The following CAPN13 variants were observed in gnomAD, a reference collection of about 807,000 sequenced individuals.
CAPN13 encodes the protein calpain 13.
A neutral mutation model predicts 98.4 loss-of-function variants in CAPN13; 90 were observed. That is an observed-to-expected ratio of 0.92 (90% CI 0.77 to 1.09). CAPN13 has a LOEUF of 1.09. CAPN13 is among the 50% of genes least tolerant of loss of function. CAPN13 has a pLI of 0.00. For synonymous variants in CAPN13, 330 were observed against 305.5 expected (o/e 1.08, Z -0.84); for missense variants, 887 against 841.3 (o/e 1.05, Z -0.67).
chr2:30,740,522 G>T (rs1370333155), intron 15 of CAPN13, among the ~76,000 whole-genome samples: 6 of 152,226 alleles, frequency 3.9e-5, no homozygotes, highest in Admixed American at 3.9e-4. Flanking sequence ...CAGTTTGTAG[G>T]ATTACAGAAT....
At chr2:30,799,071 G>A (rs924140771) in intron 1 of CAPN13, among the ~76,000 whole-genome samples, 1 of 152,066 alleles carries the variant, frequency 6.6e-6, no homozygotes, top group African/African-American at 2.4e-5. Flanking sequence ...ATACCTCAGG[G>A]CTTTGAGGAG....
chr2:30,741,432 A>G (rs773084124), intron 15 of CAPN13: 21 of 992,344 alleles, frequency 2.1e-5, no homozygotes, highest in Non-Finnish European at 2.5e-5. Flanking sequence ...CTGACAAGTC[A>G]AGGAGTTCTT....
At chr2:30,770,276 G>A (rs753963112) in intron 5 of CAPN13, 37 bp downstream of exon 5, 4 of 1,606,990 alleles carry the variant, frequency 2.5e-6, no homozygotes, top group Admixed American at 1.7e-5. Context: ...GACCAGCACT[G>A]AAACTCTGGG....
intron 19 of CAPN13, 45 bp downstream of exon 19, chr2:30,734,404 C>A (rs373682651): frequency 6.7e-7 from 1 of 1,496,530 alleles, no homozygotes; most frequent in African/African-American, 1.4e-5. Context: ...GCATCACCCC[C>A]CTCCCCGGAC....
chr2:30,802,183 G>A (rs1027166503), intron 1 of CAPN13, among the ~76,000 whole-genome samples: 3 of 151,990 alleles, frequency 2.0e-5, no homozygotes, highest in African/African-American at 7.2e-5. Flanking sequence ...CGGGGGTTTG[G>A]AGACAAATCC....
intron 7 of CAPN13, among the ~76,000 whole-genome samples, chr2:30,758,799 C>T (rs1672613812): frequency 1.1e-5 from 1 of 92,072 alleles, no homozygotes; most frequent in Non-Finnish European, 2.1e-5. Flanking sequence ...TCCTTTCCTT[C>T]CTCCCTCCCT....
chr2:30,760,752 G>A (rs1365309050), intron 7 of CAPN13, among the ~76,000 whole-genome samples: 8 of 152,184 alleles, frequency 5.3e-5, no homozygotes, highest in Non-Finnish European at 2.9e-5. Context: ...CTTTATGACA[G>A]TGACCTATTG....
intron 5 of CAPN13, among the ~76,000 whole-genome samples, chr2:30,768,183 C>G (rs1386671677): frequency 6.6e-6 from 1 of 152,224 alleles, no homozygotes; most frequent in Non-Finnish European, 1.5e-5. Flanking sequence ...TTTGTAGCCA[C>G]TTGACCCAGG....
At chr2:30,773,503 TA>T (rs1484886064) in intron 4 of CAPN13, among the ~76,000 whole-genome samples, 3 of 152,126 alleles carry the variant, frequency 2.0e-5, no homozygotes, top group Non-Finnish European at 2.9e-5. Flanking sequence ...AAATTAATAA[TA>T]AAGAGATGAA....
At chr2:30,724,285 C>A (rs569533810) in intron 22 of CAPN13, among the ~76,000 whole-genome samples, 5 of 152,328 alleles carry the variant, frequency 3.3e-5, no homozygotes, top group African/African-American at 1.2e-4. Flanking sequence ...AACTACCTCA[C>A]TTTTTTGTCT....
chr2:30,753,025 G>A (rs1438954643), intron 10 of CAPN13, 28 bp downstream of exon 10: 1 of 1,612,194 alleles, frequency 6.2e-7, no homozygotes, highest in East Asian at 2.2e-5. Context: ...TTCCAGTTGG[G>A]CAGTGTGACC....
intron 2 of CAPN13, among the ~76,000 whole-genome samples, chr2:30,785,769 G>A (rs1312975112): frequency 6.6e-6 from 1 of 152,080 alleles, no homozygotes; most frequent in Non-Finnish European, 1.5e-5. Flanking sequence ...ACCACTTTCT[G>A]AAATAATCTC....
intron 1 of CAPN13, among the ~76,000 whole-genome samples, chr2:30,792,069 C>T (rs1430574232): frequency 1.3e-5 from 2 of 151,982 alleles, no homozygotes; most frequent in African/African-American, 4.8e-5. Flanking sequence ...TTTAGGTAAA[C>T]CCCAAATATC....
rs1672144617 is a variant in CAPN13 at position 30,750,953 on chromosome 2, CT to C, written c.1236+149del. Reference sequence around the variant, plus strand: ...GCCTCAGATTTTTTGCACATTTAGACTTGGACTGCATGAATGCTACAGCCTC... The same window carrying C: ...GCCTCAGATTTTTTGCACATTTAGACTGGACTGCATGAATGCTACAGCCTC... On this transcript the variant is annotated intron_variant, in intron 11 of 22. Transcript: ENST00000295055. The C allele has an allele frequency of 2.5e-5, 22 of 867,230 alleles. No homozygotes were observed. The South Asian group carries it at 3.8e-4, about 15-fold the overall frequency. The allele number at this position is 867,230 out of a possible 1,614,324, so 53.7% of individuals were successfully genotyped here.
At chr2:30,725,945 G>A (rs1174722216) in intron 22 of CAPN13, among the ~76,000 whole-genome samples, 2 of 152,096 alleles carry the variant, frequency 1.3e-5, no homozygotes, top group East Asian at 3.9e-4. Flanking sequence ...TACACCAAAG[G>A]GGAAGAAAAT....
intron 11 of CAPN13, among the ~76,000 whole-genome samples, chr2:30,747,579 T>G (rs1671974767): frequency 6.6e-6 from 1 of 152,182 alleles, no homozygotes; most frequent in Non-Finnish European, 1.5e-5. Flanking sequence ...CCTATTCATA[T>G]CCCATCAAGG....
In CAPN13 at chr2:30,743,368, C is replaced by T. The variant is rs1671750236; in HGVS notation, c.1445+15G>A. ...AAGTAGAATAAAACATTTACAATCC[C>T]AGAGGGTTCTGTACCTGTCACTGTC... is the stretch of plus-strand genomic sequence containing the variant. On this transcript the variant is annotated intron_variant, in intron 13 of 22. Coordinates refer to ENST00000295055, the MANE Select transcript of CAPN13 (RefSeq NM_144575.3). 1 of 1,605,796 alleles carries T rather than the reference C, an allele frequency of 6.2e-7. No homozygotes were observed. The highest frequency in any genetic ancestry group is 1.3e-5 in the African/African-American group (1 of 74,736).
At chr2:30,794,764 T>C in intron 1 of CAPN13, among the ~76,000 whole-genome samples, 1 of 151,976 alleles carries the variant, frequency 6.6e-6, no homozygotes, top group East Asian at 1.9e-4. Context: ...CATTATGCTA[T>C]GTGAAAGCCA....
chr2:30,743,148 T>A, intron 13 of CAPN13: 1 of 555,494 alleles, frequency 1.8e-6, no homozygotes, highest in East Asian at 3.0e-5. Flanking sequence ...AGTCCTCCCG[T>A]GCCACTTTGC....
Sources: allele counts gnomAD v4.1 joint callset (sites outside exome capture counted in the v4.1 genomes callset), GRCh38; gene constraint gnomAD v4.1.1; transcripts MANE v1.5; gene names NCBI Gene and HGNC (gene_info 2026-07-23, HGNC 2026-07-21).